CAST: variants seen among roughly 807,000 people sequenced by gnomAD.
CAST encodes the protein MIR583 host.
CAST carries 76 observed loss-of-function variants against 119.6 expected under a neutral mutation model. The ratio of observed to expected loss-of-function variants is 0.64; its 90% confidence interval spans 0.53 to 0.77. The LOEUF (loss-of-function observed/expected upper bound fraction) is 0.77, where lower values mean the gene tolerates loss of function less well. CAST is among the 30% of genes least tolerant of loss of function. The probability of loss-of-function intolerance (pLI) is 0.00; values close to 1 mark genes in which losing one functional copy is unlikely to be tolerated. For missense variants in CAST, 953 were observed against 946.5 expected, an observed-to-expected ratio of 1.01 and a Z score of -0.09; for synonymous variants, 319 against 331.6, an observed-to-expected ratio of 0.96 and a Z score of 0.41.
At chr5:96,268,387 A>G in the CAST span, among the ~76,000 whole-genome samples, 3 of 152,202 alleles carry the variant, frequency 2.0e-5, no homozygotes, top group Non-Finnish European at 4.4e-5. Flanking sequence ...AGTCTGGGCA[A>G]CATAGCAAAA....
chr5:96,323,842 A>G, the CAST span, among the ~76,000 whole-genome samples: 1 of 152,234 alleles, frequency 6.6e-6, no homozygotes. Context: ...CGGTTAACAC[A>G]GCTCATCTCT....
the CAST span, among the ~76,000 whole-genome samples, chr5:96,120,600 C>T: frequency 1.3e-5 from 2 of 150,438 alleles, no homozygotes; most frequent in Non-Finnish European, 3.0e-5. Flanking sequence ...TCCCCATCAT[C>T]TCTTGCCTGG....
At chr5:96,171,279 GA>G in the CAST span, among the ~76,000 whole-genome samples, 1 of 152,194 alleles carries the variant, frequency 6.6e-6, no homozygotes. Context: ...TGTTGCAGAA[GA>G]AAATAAGGCA....
chr5:96,357,992 C>T, the CAST span, among the ~76,000 whole-genome samples: 9 of 152,268 alleles, frequency 5.9e-5, 2 homozygotes, highest in African/African-American at 2.2e-4. Context: ...CTATTAATTA[C>T]TGCCTCAATT....
upstream of CAST, among the ~76,000 whole-genome samples, chr5:96,659,831 A>AT (rs1410467342): frequency 1.3e-5 from 2 of 152,152 alleles, no homozygotes; most frequent in Admixed American, 1.3e-4. Flanking sequence ...CACCATCTAT[A>AT]TTTAAAAGGA....
intron 3 of CAST, among the ~76,000 whole-genome samples, chr5:96,702,574 G>A (rs751233522): frequency 7.2e-5 from 11 of 152,226 alleles, no homozygotes; most frequent in Non-Finnish European, 1.3e-4. Flanking sequence ...GGTGACAGCC[G>A]AGGGAGCGGT....
the CAST span, among the ~76,000 whole-genome samples, chr5:96,425,364 C>T: frequency 1.3e-5 from 2 of 152,168 alleles, no homozygotes; most frequent in Non-Finnish European, 2.9e-5. Flanking sequence ...TCTTGTGTTC[C>T]TTCTTTTAAC....
At chr5:96,385,056 C>A in the CAST span, among the ~76,000 whole-genome samples, 1 of 152,064 alleles carries the variant, frequency 6.6e-6, no homozygotes, top group Non-Finnish European at 1.5e-5. Context: ...AATGGGGAGA[C>A]AAATAGAATG....
At chr5:96,422,016 A>G in the CAST span, 3 of 856,398 alleles carry the variant, frequency 3.5e-6, no homozygotes, top group African/African-American at 3.4e-5. Context: ...AAAAAAAAAA[A>G]AAAGCATCAC....
chr5:96,312,490 G>A, the CAST span, among the ~76,000 whole-genome samples: 1 of 151,984 alleles, frequency 6.6e-6, no homozygotes, highest in African/African-American at 2.4e-5. Context: ...GAACACCTCA[G>A]GAATTTTACA....
intron 1 of CAST, among the ~76,000 whole-genome samples, chr5:96,608,107 C>G (rs1009873228): frequency 6.6e-6 from 1 of 152,318 alleles, no homozygotes; most frequent in Middle Eastern, 3.4e-3. Flanking sequence ...TCTCCCCTTT[C>G]CCTGTCCACA....
the CAST span, among the ~76,000 whole-genome samples, chr5:95,964,013 A>T: frequency 1.9e-4 from 29 of 152,240 alleles, no homozygotes; most frequent in East Asian, 9.6e-4. Flanking sequence ...GACTTTTTTT[A>T]AAAATTATAA....
At chr5:96,329,049 T>C in the CAST span, among the ~76,000 whole-genome samples, 2 of 152,356 alleles carry the variant, frequency 1.3e-5, no homozygotes, top group Admixed American at 1.3e-4. Flanking sequence ...TTTCTTGGCA[T>C]AAAGTTTTAG....
chr5:96,124,350 C>T, the CAST span, among the ~76,000 whole-genome samples: 384 of 152,202 alleles, frequency 2.5e-3, 1 homozygote, highest in Non-Finnish European at 3.8e-3. Flanking sequence ...TGCCACCATG[C>T]CCAACTCTAA....
intron 1 of CAST, among the ~76,000 whole-genome samples, chr5:96,598,004 T>C (rs1747084517): frequency 6.6e-6 from 1 of 152,130 alleles, no homozygotes; most frequent in Admixed American, 6.5e-5. Flanking sequence ...AGGCTCTATC[T>C]CTACCTCCCC....
At chr5:96,277,712 T>C in the CAST span, among the ~76,000 whole-genome samples, 3 of 151,834 alleles carry the variant, frequency 2.0e-5, no homozygotes. Flanking sequence ...GTGCTAAAAA[T>C]ATAGTCTCAA....
At chr5:96,423,406 A>T in the CAST span, 4 of 1,613,964 alleles carry the variant, frequency 2.5e-6, no homozygotes, top group Non-Finnish European at 3.4e-6. Flanking sequence ...TTTGCCAAAC[A>T]GGTATCACAT....
chr5:96,061,532 T>G, the CAST span, among the ~76,000 whole-genome samples: 39 of 152,164 alleles, frequency 2.6e-4, no homozygotes, highest in African/African-American at 8.7e-4. Flanking sequence ...ACAGATGAAT[T>G]GATCTGGGTA....
chr5:96,405,682 G>T, the CAST span, among the ~76,000 whole-genome samples: 329 of 152,210 alleles, frequency 2.2e-3, 4 homozygotes, highest in South Asian at 0.034. Flanking sequence ...AAAAGAAAAA[G>T]AAAAGGAAAG....
Sources: gnomAD v4.1 joint callset for allele counts (sites outside exome capture counted in the v4.1 genomes callset) on GRCh38, gnomAD v4.1.1 for gene constraint, MANE v1.5 for transcripts, NCBI Gene and HGNC (gene_info 2026-07-23, HGNC 2026-07-21) for gene names.